LPA: variants seen among roughly 807,000 people sequenced by gnomAD.
The protein encoded by LPA is apolipoprotein(a).
Under a neutral mutation model 197.9 loss-of-function variants are expected in LPA, and 199 were observed. The observed-to-expected ratio is 1.01, with a 90% CI of 0.90 to 1.13. The LOEUF (loss-of-function observed/expected upper bound fraction) is 1.13. Ranked by LOEUF, LPA falls within the 50% of genes most tolerant of loss-of-function variation. The pLI, the probability that LPA is intolerant of heterozygous loss-of-function variation, is 0.00. For synonymous variants in LPA, 715 were observed against 639.5 expected, an observed-to-expected ratio of 1.12 and a Z score of -1.78; for missense variants, 1,853 against 1,785.8, an observed-to-expected ratio of 1.04 and a Z score of -0.68.
At chr6:160,565,035 T>A (rs1301367462) in intron 28 of LPA, among the ~76,000 whole-genome samples, 2 of 152,196 alleles carry the variant, frequency 1.3e-5, no homozygotes, top group Non-Finnish European at 2.9e-5. Context: ...AAGCTCAAAC[T>A]GGGTGGAGCC....
chr6:160,572,826 C>T (rs1778587059), intron 28 of LPA, among the ~76,000 whole-genome samples: 2 of 152,202 alleles, frequency 1.3e-5, no homozygotes, highest in Admixed American at 1.3e-4. Context: ...TTCTGTCTCA[C>T]AGCTCTTAAG....
chr6:160,653,855 T>C (rs887990486), intron 1 of LPA, among the ~76,000 whole-genome samples: 2 of 130,324 alleles, frequency 1.5e-5, no homozygotes, highest in African/African-American at 2.9e-5. Flanking sequence ...GTTCAATGTA[T>C]ACAAATCAAT....
intron 2 of LPA, among the ~76,000 whole-genome samples, chr6:160,647,141 C>G (rs1345418558): frequency 6.6e-6 from 1 of 152,198 alleles, no homozygotes; most frequent in Non-Finnish European, 1.5e-5. Flanking sequence ...CTATCCTCTG[C>G]TGTCCACAGC....
intron 1 of LPA, among the ~76,000 whole-genome samples, chr6:160,652,926 C>T (rs998208391): frequency 2.0e-5 from 3 of 151,648 alleles, no homozygotes; most frequent in East Asian, 1.9e-4. Flanking sequence ...ATAAGTAAGT[C>T]GTGGAGATAA....
chr6:160,567,868 T>C (rs1442444766), intron 28 of LPA, among the ~76,000 whole-genome samples: 1 of 152,062 alleles, frequency 6.6e-6, no homozygotes, highest in Non-Finnish European at 1.5e-5. Flanking sequence ...TATAAACACC[T>C]CTGTGCAAAT....
At chr6:160,594,599 C>T (rs1271624212) in intron 21 of LPA, among the ~76,000 whole-genome samples, 4 of 152,178 alleles carry the variant, frequency 2.6e-5, no homozygotes, top group South Asian at 2.1e-4. Flanking sequence ...ATCTAGGACT[C>T]GTAGGCAAAG....
rs1583598909 is a variant in LPA, at chr6:160,586,683, C to T, written c.3948-53G>A. On this transcript the variant is annotated intron_variant, in intron 24 of 38. Transcript: ENST00000316300. ...CCAGAGATTGGAGAAGATACAGCACCACCTGGCACCCTCTATGTTTTCTTG... is the reference window on the plus strand; with the variant it reads ...CCAGAGATTGGAGAAGATACAGCACTACCTGGCACCCTCTATGTTTTCTTG... 1.9e-6 allele frequency: 3 copies of T among 1,611,028 alleles called. No individual in the cohort carries two copies. The East Asian group carries it at 6.7e-5, about 36-fold the overall frequency.
chr6:160,647,978 G>T (rs746713471), intron 2 of LPA, among the ~76,000 whole-genome samples: 1 of 152,082 alleles, frequency 6.6e-6, no homozygotes, highest in Non-Finnish European at 1.5e-5. Flanking sequence ...ATTCCTTAGG[G>T]TCACCTCTTT....
chr6:160,537,883 ACATT>A lies in LPA; in HGVS notation c.5810_5813del (p.Glu1937ValfsTer99), dbSNP rs1777917712. ...GGGTTTCTCCCCAGCCAGTGATGTAACATTCAGTCCTGGCGGTGACCATGTAGTC... is the reference window on the plus strand; with the variant it reads ...GGGTTTCTCCCCAGCCAGTGATGTAACAGTCCTGGCGGTGACCATGTAGTC... On this transcript the variant is annotated frameshift_variant, in exon 37 of 39. Transcript: ENST00000316300. LOFTEE classifies it high-confidence loss of function. The A allele has an allele frequency of 6.2e-7, 1 of 1,614,244 alleles. No individual in the cohort carries two copies.
chr6:160,599,388 T>C, intron 20 of LPA, 112 bp downstream of exon 20: 1 of 1,477,412 alleles, frequency 6.8e-7, no homozygotes, highest in Non-Finnish European at 9.4e-7. Context: ...CAGGAAATGT[T>C]CCTCTGCATC....
At chr6:160,577,423 A>G (rs1386681190) in intron 27 of LPA, 128 bp from the exon 28 acceptor site, 2 of 792,682 alleles carry the variant, frequency 2.5e-6, no homozygotes, top group Admixed American at 2.2e-5. Flanking sequence ...ACTAGTAGCA[A>G]AAGGATGTGA....
intron 30 of LPA, among the ~76,000 whole-genome samples, chr6:160,555,739 A>T (rs145685267): frequency 1.3e-5 from 2 of 152,092 alleles, no homozygotes; most frequent in East Asian, 3.9e-4. Context: ...AGCCTTGTAG[A>T]ATGGCACTCT....
intron 16 of LPA, among the ~76,000 whole-genome samples, chr6:160,610,860 A>T: frequency 6.6e-6 from 1 of 152,128 alleles, no homozygotes; most frequent in Admixed American, 6.5e-5. Context: ...TAGGTCCTCT[A>T]CCATCTGTTG....
intron 30 of LPA, among the ~76,000 whole-genome samples, chr6:160,555,294 A>AGT (rs10552460): frequency 0.24 from 31,653 of 133,594 alleles, 3,904 homozygotes; most frequent in Non-Finnish European, 0.27. Flanking sequence ...ATTATATGTT[A>AGT]GTGTGTGTGT....
chr6:160,533,872 A>G (rs1265143774), intron 37 of LPA, among the ~76,000 whole-genome samples: 2 of 152,234 alleles, frequency 1.3e-5, no homozygotes, highest in Non-Finnish European at 2.9e-5. Flanking sequence ...ATTGAAACAG[A>G]ACCTCTGCTA....
Position 160,599,575 on chromosome 6 carries a change from G to A in LPA, c.3212C>T (p.Thr1071Ile). 1 of 1,614,126 alleles carries A rather than the reference G, an allele frequency of 6.2e-7. No homozygotes were observed. The highest frequency in any genetic ancestry group is 8.5e-7 in the Non-Finnish European group (1 of 1,179,984). The change falls in exon 20 of 39, where the codon ACA becomes ATA. Residue 1071 changes from threonine to isoleucine, a missense_variant. Thr to Ile is a moderately conservative substitution (Grantham distance 89). Transcript: ENST00000316300. ...SYRGTYSTTV[T>I]GRTCQAWSSM... is the part of the protein sequence containing the mutation. ...TGACCAAGCTTGGCAAGTTCTTCCT[G>A]TGACAGTGGTGGAGTATGTGCCTCG...
intron 1 of LPA, among the ~76,000 whole-genome samples, chr6:160,654,870 G>T (rs1159509870): frequency 6.6e-6 from 1 of 152,138 alleles, no homozygotes; most frequent in African/African-American, 2.4e-5. Flanking sequence ...CCTGCATATC[G>T]TGCAGAACCA....
intron 37 of LPA, among the ~76,000 whole-genome samples, chr6:160,533,012 T>G (rs748332261): frequency 9.2e-5 from 14 of 152,242 alleles, no homozygotes; most frequent in Non-Finnish European, 1.0e-4. Flanking sequence ...TTTATATGCT[T>G]CTTTTACTAT....
At chr6:160,595,668 G>T (rs1779119092) in intron 20 of LPA, 133 bp from the exon 21 acceptor site, 2 of 1,292,812 alleles carry the variant, frequency 1.5e-6, no homozygotes, top group East Asian at 2.4e-5. Flanking sequence ...CCCATAATAT[G>T]CACAAATGGT....
Sources: allele counts gnomAD v4.1 joint callset (sites outside exome capture counted in the v4.1 genomes callset), GRCh38; gene constraint gnomAD v4.1.1; transcripts MANE v1.5; gene names NCBI Gene and HGNC (gene_info 2026-07-23, HGNC 2026-07-21).